RELN: variants seen among roughly 807,000 people sequenced by gnomAD.
The protein encoded by RELN is reelin.
RELN carries 108 observed loss-of-function variants against 427.6 expected under a neutral mutation model. The ratio of observed to expected loss-of-function variants is 0.25; its 90% CI spans 0.22 to 0.30. The LOEUF is 0.30. RELN is among the 10% of genes least tolerant of loss of function. The pLI is 1.00. For synonymous variants in RELN, 1,524 were observed against 1,513.4 expected, an observed-to-expected ratio of 1.01 and a Z score of -0.16; for missense variants, 3,715 against 4,302.8, an observed-to-expected ratio of 0.86 and a Z score of 3.82.
intron 20 of RELN, among the ~76,000 whole-genome samples, chr7:103,622,305 T>A (rs1200089392): frequency 1.3e-5 from 2 of 152,212 alleles, no homozygotes; most frequent in African/African-American, 4.8e-5. Flanking sequence ...CAGGTCCTGA[T>A]CATTACTACA....
At chr7:103,608,398 A>T (rs1030932595) in intron 22 of RELN, among the ~76,000 whole-genome samples, 2 of 152,176 alleles carry the variant, frequency 1.3e-5, no homozygotes, top group Non-Finnish European at 2.9e-5. Flanking sequence ...GTTGTTTTTT[A>T]AAAAATATTT....
intron 38 of RELN, 45 bp downstream of exon 38, chr7:103,556,932 A>G (rs1830535266): frequency 8.8e-6 from 13 of 1,470,766 alleles, no homozygotes; most frequent in African/African-American, 2.8e-5. Flanking sequence ...ATGTGTTAAC[A>G]TGCCACTATC....
At chr7:103,659,245 T>A (rs763917124) in intron 12 of RELN, among the ~76,000 whole-genome samples, 23 of 152,086 alleles carry the variant, frequency 1.5e-4, no homozygotes, top group Non-Finnish European at 2.8e-4. Flanking sequence ...TCTTGCCCTT[T>A]AATTTCTGAT....
chr7:103,656,583 A>C (rs1329839122), intron 12 of RELN, among the ~76,000 whole-genome samples: 1 of 152,088 alleles, frequency 6.6e-6, no homozygotes, highest in African/African-American at 2.4e-5. Flanking sequence ...AGGTAGATCA[A>C]ATTTTCTAGC....
chr7:103,977,362 G>T (rs1284773253), intron 1 of RELN, among the ~76,000 whole-genome samples: 2 of 148,310 alleles, frequency 1.3e-5, no homozygotes, highest in Non-Finnish European at 3.0e-5. Flanking sequence ...TTGAAGTGAG[G>T]CAGAGCAGAT....
rs879222708 is a variant in RELN at position 103,519,586 on chromosome 7, A to T, written c.7669-70T>A. ...ATTGCAGATTATAGATTTTCTATGG[A>T]TTTTTTTTTTTTTTGAGACAGGGTC... On this transcript the variant is annotated intron_variant, in intron 48 of 64. Coordinates refer to ENST00000428762, the MANE Select transcript of RELN (RefSeq NM_005045.4). The T allele has an allele frequency of 1.2e-5, 12 of 989,258 alleles. No homozygotes were observed. The African/African-American group carries it at 1.8e-4, about 14-fold the overall frequency. The allele number at this position is 989,258 out of a possible 1,614,324, so 61.3% of individuals were successfully genotyped here. A position where few individuals can be genotyped will look rare whatever the true frequency, so the allele number is the denominator to read the frequency against.
chr7:103,981,235 G>A (rs1770000444), intron 1 of RELN, among the ~76,000 whole-genome samples: 1 of 152,162 alleles, frequency 6.6e-6, no homozygotes, highest in South Asian at 2.1e-4. Context: ...ATTTACATAT[G>A]GTGACACTGC....
At chr7:103,970,396 G>A (rs974746705) in intron 1 of RELN, among the ~76,000 whole-genome samples, 1 of 151,940 alleles carries the variant, frequency 6.6e-6, no homozygotes, top group African/African-American at 2.4e-5. Flanking sequence ...TCGCCCACCT[G>A]GGCCTCCCAA....
chr7:103,500,209 A>G (rs562232253), intron 53 of RELN, among the ~76,000 whole-genome samples: 7 of 152,228 alleles, frequency 4.6e-5, no homozygotes, highest in Non-Finnish European at 1.0e-4. Context: ...ATATTAAATA[A>G]TGATGTAACA....
intron 28 of RELN, among the ~76,000 whole-genome samples, chr7:103,588,970 C>A (rs888083609): frequency 7.8e-6 from 1 of 128,616 alleles, no homozygotes; most frequent in African/African-American, 2.9e-5. Context: ...TTGTTTCATG[C>A]ATTTTTTTTG....
chr7:103,790,435 C>T (rs1792130798), intron 3 of RELN, among the ~76,000 whole-genome samples: 1 of 151,952 alleles, frequency 6.6e-6, no homozygotes, highest in South Asian at 2.1e-4. Context: ...GTGTATAAAC[C>T]TTTGACCATA....
chr7:103,668,295 G>C (rs1232818116), intron 11 of RELN, among the ~76,000 whole-genome samples: 1 of 152,178 alleles, frequency 6.6e-6, no homozygotes, highest in African/African-American at 2.4e-5. Context: ...TAATTTATGA[G>C]AGAAGCTTGA....
At chr7:103,517,673 G>C (rs1829599782) in intron 49 of RELN, among the ~76,000 whole-genome samples, 1 of 152,178 alleles carries the variant, frequency 6.6e-6, no homozygotes, top group Admixed American at 6.5e-5. Flanking sequence ...TTGAGCACAG[G>C]GTACTCTGTA....
chr7:103,604,337 T>C lies in RELN; in HGVS notation c.3146+9A>G, dbSNP rs770607243. On this transcript the variant is annotated intron_variant, in intron 23 of 64. Transcript: ENST00000428762. ...GCATGGACCTCATCGTGCTTTCTGG[T>C]GCACATACCTGCATATGCCATGATC... is the stretch of plus-strand genomic sequence containing the variant. 1.9e-6 allele frequency: 3 copies of C among 1,613,680 alleles called. No homozygotes were observed. Among genetic ancestry groups the C allele is most frequent in the Admixed American group, 1.7e-5 (1 of 59,980 alleles).
intron 28 of RELN, among the ~76,000 whole-genome samples, chr7:103,584,117 G>C (rs1184397250): frequency 1.3e-5 from 2 of 152,196 alleles, no homozygotes; most frequent in African/African-American, 4.8e-5. Context: ...GCTGCCCAAA[G>C]GTACTGCAAG....
intron 64 of RELN, chr7:103,476,750 TAG>T (rs776102854): frequency 5.0e-6 from 2 of 398,210 alleles, no homozygotes; most frequent in Non-Finnish European, 1.0e-5. Context: ...CATTGGGAAT[TAG>T]GGGAATTTTT....
chr7:103,472,456 T>G lies in RELN; in HGVS notation c.*356A>C. The G allele has an allele frequency of 3.2e-6, 1 of 310,682 alleles. No individual in the cohort carries two copies. The highest frequency in any genetic ancestry group is 3.1e-5 in the South Asian group (1 of 32,272). The allele number at this position is 310,682 out of a possible 1,614,324, so 19.2% of individuals were successfully genotyped here. Reference sequence around the variant, plus strand: ...TAAATAGCTTTGTGACCAAGAATGTTAAATACTGTGCTAAATGCCATTTTA... The same window carrying G: ...TAAATAGCTTTGTGACCAAGAATGTGAAATACTGTGCTAAATGCCATTTTA... On this transcript the variant is annotated 3_prime_UTR_variant, in exon 65 of 65. Coordinates refer to ENST00000428762, the MANE Select transcript of RELN (RefSeq NM_005045.4).
Position 103,697,891 on chromosome 7 carries a change from T to C in RELN, c.1105A>G (p.Thr369Ala). 1 of 1,613,766 alleles carries C rather than the reference T, an allele frequency of 6.2e-7. No individual in the cohort carries two copies. ...CCTGGGAAGAAAAGCCAGTTGCCTG[T>C]GTCCACTGGGTCGAGACTATCTTCT... ...VLEDSLDPVD[T>A]GNWLFFPGAT... Residue 369 changes from threonine to alanine, a missense_variant, in exon 10 of 65, where the codon ACA (threonine) becomes GCA (alanine). By Grantham distance (58) the Thr-to-Ala change is moderately conservative. Transcript: ENST00000428762.
At position 103,610,023 on chromosome 7, in the gene RELN, C is replaced by A. The variant is rs575083415; in HGVS notation, c.3008+672G>T. 3.3e-5 allele frequency among the ~76,000 whole-genome samples: 5 copies of A among 152,220 alleles called. No homozygotes were observed. In the South Asian group the frequency reaches 1.0e-3, roughly 32 times the overall value. On this transcript the variant is annotated intron_variant, in intron 22 of 64. Transcript: ENST00000428762. ...GTAGAGCTATACTGAGAATTCAGGCCTTCTAATTTCTAGTCTAAGGATTTT... is the reference window on the plus strand; with the variant it reads ...GTAGAGCTATACTGAGAATTCAGGCATTCTAATTTCTAGTCTAAGGATTTT...
Sources: allele counts gnomAD v4.1 joint callset (sites outside exome capture counted in the v4.1 genomes callset), GRCh38; gene constraint gnomAD v4.1.1; transcripts MANE v1.5; gene names NCBI Gene and HGNC (gene_info 2026-07-23, HGNC 2026-07-21).